ZNF732: variants seen among roughly 807,000 people sequenced by gnomAD.
ZNF732 encodes the protein zinc finger protein LOC654254.
A neutral mutation model predicts 11.5 loss-of-function variants in ZNF732; 12 were observed. That is an observed-to-expected ratio of 1.05 (90% CI 0.67 to 1.70). The LOEUF (loss-of-function observed/expected upper bound fraction) is 1.70, where lower values mean the gene tolerates loss of function less well. Ranked by LOEUF, ZNF732 falls within the 40% of genes most tolerant of loss-of-function variation. ZNF732 has a pLI of 0.00. For synonymous variants in ZNF732, 231 were observed against 236.5 expected (o/e 0.98, Z 0.21); for missense variants, 702 against 676.9 (o/e 1.04, Z -0.41).
intron 3 of ZNF732, among the ~76,000 whole-genome samples, chr4:295,118 GCTC>G (rs782731080): frequency 1.3e-5 from 2 of 152,096 alleles, no homozygotes; most frequent in African/African-American, 4.8e-5. Flanking sequence ...CTGACATAGA[GCTC>G]CTCAATATAC....
intron 3 of ZNF732, among the ~76,000 whole-genome samples, chr4:292,557 CAAA>C (rs200025940): frequency 2.2e-5 from 2 of 89,952 alleles, no homozygotes; most frequent in Non-Finnish European, 2.5e-5. Context: ...AACTCTGTCT[CAAA>C]AAAAAAAAAA....
At chr4:278,412 T>A (rs543869092) in intron 3 of ZNF732, among the ~76,000 whole-genome samples, 1 of 152,348 alleles carries the variant, frequency 6.6e-6, no homozygotes, top group Non-Finnish European at 1.5e-5. Flanking sequence ...ATTTTTTAAA[T>A]GTGACATACA....
In ZNF732 at chr4:271,634, T is replaced by C. The variant is rs1553837490; in HGVS notation, c.1223A>G (p.His408Arg). 3 of 1,611,066 alleles carry C rather than the reference T, an allele frequency of 1.9e-6. No individual in the cohort carries two copies. The highest frequency in any genetic ancestry group is 1.7e-5 in the Admixed American group (1 of 59,500). The change falls in exon 4 of 4, where the codon CAT (histidine) becomes CGT (arginine). Residue 408 changes from histidine to arginine, a missense_variant. Transcript: ENST00000419098. ...AFSRFTTLNE[H>R]KRIHTGERPH... is the part of the protein sequence containing the mutation. ...CCTCTCTCCAGTATGAATTCTCTTA[T>C]GTTCATTAAGGGTTGTGAACCGACT...
chr4:270,980 G>T lies in ZNF732; in HGVS notation c.*119C>A. 1.1e-6 allele frequency: 1 copy of T among 900,768 alleles called. No homozygotes were observed. 55.8% of individuals were successfully genotyped at this position (900,768 alleles called of 1,614,324 possible). A position where few individuals can be genotyped will look rare whatever the true frequency, so the allele number is the denominator to read the frequency against. The stretch of plus-strand genomic sequence containing the variant: ...ATTCTTACTTTCATTCAGGGTTGTG[G>T]ACCATCCAAAAGCTTTGCCACATTC... On this transcript the variant is annotated 3_prime_UTR_variant, in exon 4 of 4. Transcript: ENST00000419098.
At chr4:301,083 A>C (rs1553843563) in intron 1 of ZNF732, among the ~76,000 whole-genome samples, 1 of 152,244 alleles carries the variant, frequency 6.6e-6, no homozygotes, top group Non-Finnish European at 1.5e-5. Context: ...TCTCAAAAGA[A>C]GACATTTAGG....
At position 271,815 on chromosome 4, in the gene ZNF732, C is replaced by A; in HGVS notation, c.1042G>T (p.Val348Phe). The change falls in exon 4 of 4, where the codon GTT (valine) becomes TTT (phenylalanine). Residue 348 changes from valine to phenylalanine, a missense_variant. Physicochemically the swap from Val to Phe is conservative, Grantham distance 50. This residue lies in a region of ZNF732 where 596 missense variants were observed against 557.9 expected (regional missense o/e 1.07). Coordinates refer to ENST00000419098, the MANE Select transcript of ZNF732 (RefSeq NM_001137608.3). ...ECGKAFSRSS[V>F]LNEHKRIHTG... ...TGAATTCTCTTATGTTCATTCAGAA[C>A]TGAGGACCTACTAAAGGCTTTGCCA... The A allele has an allele frequency of 6.2e-7, 1 of 1,611,012 alleles. No individual in the cohort carries two copies. Among genetic ancestry groups the A allele is most frequent in the Non-Finnish European group, 8.5e-7 (1 of 1,178,958 alleles).
At chr4:288,837 A>AT (rs1719783932) in intron 3 of ZNF732, among the ~76,000 whole-genome samples, 1 of 152,192 alleles carries the variant, frequency 6.6e-6, no homozygotes, top group African/African-American at 2.4e-5. Flanking sequence ...GCTGATCATG[A>AT]GGTCAGGAGA....
At position 271,571 on chromosome 4, in the gene ZNF732, C is replaced by T; in HGVS notation, c.1286G>A (p.Trp429Ter). 6.2e-7 allele frequency: 1 copy of T among 1,612,042 alleles called. No homozygotes were observed. Among genetic ancestry groups the T allele is most frequent in the Non-Finnish European group, 8.5e-7 (1 of 1,179,106 alleles). ...KCEECGKAFG[W>*]STDLNKHKII... is the part of the protein sequence containing the mutation. ...CTTATGTTTATTCAGGTCTGTGGAC[C>T]ATCCAAAGGCTTTGCCACACTCTTC... Residue 429 changes from tryptophan (W) to a stop codon, truncating the protein, a stop_gained, in exon 4 of 4, where the codon TGG becomes TAG. Transcript: ENST00000419098. LOFTEE classifies it low-confidence loss of function (END_TRUNC).
intron 1 of ZNF732, 28 bp downstream of exon 1, chr4:305,280 C>T: frequency 6.2e-7 from 1 of 1,604,688 alleles, no homozygotes; most frequent in Non-Finnish European, 8.5e-7. Context: ...GCCTCCCCAG[C>T]CTTGGGACGC....
At chr4:291,532 A>C (rs1360492769) in intron 3 of ZNF732, among the ~76,000 whole-genome samples, 1 of 152,230 alleles carries the variant, frequency 6.6e-6, no homozygotes, top group Non-Finnish European at 1.5e-5. Flanking sequence ...AAGATACAAA[A>C]TCTAGTGTAT....
intron 1 of ZNF732, among the ~76,000 whole-genome samples, chr4:298,362 A>T (rs1251565887): frequency 6.6e-6 from 1 of 152,162 alleles, no homozygotes; most frequent in Non-Finnish European, 1.5e-5. Flanking sequence ...GGACCATATG[A>T]AATAGAAGTA....
At chr4:292,869 ACT>A (rs1288397667) in intron 3 of ZNF732, among the ~76,000 whole-genome samples, 1 of 134,658 alleles carries the variant, frequency 7.4e-6, no homozygotes, top group African/African-American at 2.8e-5. Flanking sequence ...ACATGGTGAA[ACT>A]CTGTCTCTAC....
intron 3 of ZNF732, among the ~76,000 whole-genome samples, chr4:277,728 T>A (rs1241255932): frequency 6.6e-6 from 1 of 152,112 alleles, no homozygotes; most frequent in East Asian, 1.9e-4. Context: ...ACAAATGGTA[T>A]TTTAACACTG....
intron 3 of ZNF732, among the ~76,000 whole-genome samples, chr4:275,916 T>G (rs1445139481): frequency 6.6e-6 from 1 of 151,486 alleles, no homozygotes; most frequent in Non-Finnish European, 1.5e-5. Context: ...AAAAAGTAGG[T>G]AGTTATATTG....
chr4:286,899 T>A (rs1719741922), intron 3 of ZNF732, among the ~76,000 whole-genome samples: 1 of 152,180 alleles, frequency 6.6e-6, no homozygotes, highest in South Asian at 2.1e-4. Context: ...ACGCCTGTAA[T>A]CCCAGCAGTT....
intron 3 of ZNF732, 106 bp from the exon 4 acceptor site, chr4:272,736 CA>C: frequency 3.8e-6 from 4 of 1,054,642 alleles, no homozygotes; most frequent in Non-Finnish European, 5.2e-6. Context: ...GATGGCATAA[CA>C]AAATACCACA....
intron 1 of ZNF732, among the ~76,000 whole-genome samples, chr4:299,930 C>T (rs1158042758): frequency 2.7e-5 from 4 of 146,368 alleles, no homozygotes; most frequent in Non-Finnish European, 6.0e-5. Flanking sequence ...TCTCGAACTC[C>T]GGACCTCAGG....
chr4:299,694 CTTTTT>C (rs1268663238), intron 1 of ZNF732, among the ~76,000 whole-genome samples: 9 of 117,724 alleles, frequency 7.6e-5, no homozygotes, highest in African/African-American at 1.3e-4. Context: ...AATATATATA[CTTTTT>C]TTTTTTTTTT....
intron 1 of ZNF732, among the ~76,000 whole-genome samples, chr4:305,039 C>A (rs1720201904): frequency 1.3e-5 from 2 of 152,210 alleles, no homozygotes; most frequent in South Asian, 4.1e-4. Flanking sequence ...GCCACGCAGG[C>A]GTTTTCCCGA....
Sources: gnomAD v4.1 joint callset for allele counts (sites outside exome capture counted in the v4.1 genomes callset) on GRCh38, gnomAD v4.1.1 for gene constraint, gnomAD v4.1.1 regional missense constraint, MANE v1.5 for transcripts, NCBI Gene and HGNC (gene_info 2026-07-23, HGNC 2026-07-21) for gene names.